The following FAT4 variants were observed in gnomAD, a reference collection of about 807,000 sequenced individuals.
The protein encoded by FAT4 is protocadherin Fat 4.
In FAT4, 84 loss-of-function variants were observed where a neutral mutation model predicts 303.9. The observed-to-expected ratio is 0.28, with a 90% CI of 0.23 to 0.33. The LOEUF (loss-of-function observed/expected upper bound fraction) is 0.33. Ranked by LOEUF, FAT4 falls within the 10% of genes least tolerant of loss-of-function variation. The probability of loss-of-function intolerance (pLI) is 1.00; values close to 1 mark genes in which losing one functional copy is unlikely to be tolerated. For synonymous variants in FAT4, 2,307 were observed against 2,298.8 expected (o/e 1.00, Z -0.10); for missense variants, 6,005 against 6,146.8 (o/e 0.98, Z 0.77).
intron 2 of FAT4, among the ~76,000 whole-genome samples, chr4:125,341,294 A>T (rs938090719): frequency 2.0e-5 from 3 of 152,186 alleles, no homozygotes; most frequent in Non-Finnish European, 2.9e-5. Flanking sequence ...TCTTTTGCTT[A>T]GCACAGAATG....
Position 125,315,066 on chromosome 4 carries a change from G to A in FAT4, c.-924G>A, listed in dbSNP as rs983942741. ...TTTCGGCGACGCGCTGTGTGTGTGT[G>A]TGTGCGTGTGTATGTGTGTGTGTGT... On this transcript the variant is annotated 5_prime_UTR_variant, in exon 1 of 18. In the 5' UTR this introduces an upstream ATG that the reference lacks. Coordinates refer to ENST00000394329, the MANE Select transcript of FAT4 (RefSeq NM_001291303.3). Among the ~76,000 whole-genome samples the A allele has an allele frequency of 3.3e-5, 5 of 152,162 alleles. No homozygotes were observed. In the South Asian group the frequency reaches 1.0e-3, roughly 32 times the overall value.
intron 7 of FAT4, among the ~76,000 whole-genome samples, chr4:125,423,170 C>T (rs1264822207): frequency 1.3e-5 from 2 of 152,134 alleles, no homozygotes; most frequent in African/African-American, 4.8e-5. Flanking sequence ...AATTCAAGCC[C>T]ACTGCAGAAA....
chr4:125,451,329 G>A lies in FAT4; in HGVS notation c.10319G>A (p.Ser3440Asn), dbSNP rs1388905236. Reference sequence around the variant, plus strand: ...GACTCAGACTCCATCCCCAGCTGGAGCAGGTTTTCTTACTTCATCGGATCA... The same window carrying A: ...GACTCAGACTCCATCCCCAGCTGGAACAGGTTTTCTTACTTCATCGGATCA... ...AFDSDSIPSW[S>N]RFSYFIGSGN... is the part of the protein sequence containing the mutation. The change falls in exon 10 of 18, where the codon AGC becomes AAC. Residue 3440 changes from serine to asparagine, a missense_variant. Ser to Asn is a conservative substitution (Grantham distance 46, BLOSUM62 1). Coordinates refer to ENST00000394329, the MANE Select transcript of FAT4 (RefSeq NM_001291303.3). 1.9e-6 allele frequency: 3 copies of A among 1,614,032 alleles called. No homozygotes were observed. The highest frequency in any genetic ancestry group is 3.3e-5 in the Admixed American group (2 of 60,002).
In FAT4 at chr4:125,319,360, A is replaced by C. The variant is rs545923943; in HGVS notation, c.2949A>C (p.Thr983=). The C allele has an allele frequency of 7.4e-6, 12 of 1,612,448 alleles. No homozygotes were observed. In the East Asian group the frequency reaches 2.0e-4, roughly 27 times the overall value. The change falls in exon 2 of 18, where the codon ACA becomes ACC. Residue 983 remains threonine, a synonymous_variant. Transcript: ENST00000394329. The part of the protein sequence containing the change: ...VPQLSSSVIL[T]VYVHDVNDNS... ...AGCTCTCCTCTAGTGTCATCTTAACAGTTTATGTCCATGATGTAAATGACA... is the reference window on the plus strand; with the variant it reads ...AGCTCTCCTCTAGTGTCATCTTAACCGTTTATGTCCATGATGTAAATGACA...
rs773174146 is a variant in FAT4 at position 125,316,885 on chromosome 4, C to T, written c.474C>T (p.Thr158=). The T allele has an allele frequency of 3.1e-6, 5 of 1,614,002 alleles. 1 individual carries two copies. Among genetic ancestry groups the T allele is most frequent in the Admixed American group, 3.3e-5 (2 of 60,022 alleles). The change falls in exon 2 of 18, where the codon ACC becomes ACT. Residue 158 remains threonine (T), a synonymous_variant. Coordinates refer to ENST00000394329, the MANE Select transcript of FAT4 (RefSeq NM_001291303.3). This position sits in a 1 kb window ranked among gnomAD's most constrained non-coding sequence, Gnocchi z 5.7. ...GCGGACGCCAAGTCATCTTAGACAC[C>T]GCCACCGACTCGGACATCGGCTCAA... ...SSSGRQVILD[T]ATDSDIGSNG...
At position 125,320,094 on chromosome 4, in the gene FAT4, A is replaced by G. The variant is rs754253863; in HGVS notation, c.3683A>G (p.Gln1228Arg). ...TCAGAATCAGCAGCCAATCTGACACAAGTGTTAAGAGTATCTGCCTCAGAT... is the reference window on the plus strand; with the variant it reads ...TCAGAATCAGCAGCCAATCTGACACGAGTGTTAAGAGTATCTGCCTCAGAT... ...TISESAANLT[Q>R]VLRVSASDVD... Residue 1228 changes from glutamine to arginine, a missense_variant, in exon 2 of 18, where the codon CAA (glutamine) becomes CGA (arginine). Gln to Arg is a conservative substitution (Grantham distance 43, BLOSUM62 1). Transcript: ENST00000394329. 7 of 1,613,858 alleles carry G rather than the reference A, an allele frequency of 4.3e-6. No individual in the cohort carries two copies. The East Asian group carries it at 1.3e-4, about 31-fold the overall frequency.
rs531595537 is a variant in FAT4, at chr4:125,318,783, C to T, written c.2372C>T (p.Pro791Leu). The T allele has an allele frequency of 6.8e-6, 11 of 1,614,166 alleles. No homozygotes were observed. In the South Asian group the frequency reaches 9.9e-5, roughly 14 times the overall value. ...GTATTGGACACTCAAGACAACCCACCTGTATTCAGTCAGGTTGCCTACAGC... is the reference window on the plus strand; with the variant it reads ...GTATTGGACACTCAAGACAACCCACTTGTATTCAGTCAGGTTGCCTACAGC... ...ITVLDTQDNP[P>L]VFSQVAYSFV... Residue 791 changes from proline to leucine, a missense_variant, in exon 2 of 18, where the codon CCT (proline) becomes CTT (leucine). Pro to Leu is a moderately conservative substitution (Grantham distance 98). Coordinates refer to ENST00000394329, the MANE Select transcript of FAT4 (RefSeq NM_001291303.3).
chr4:125,491,497 G>A lies in FAT4; in HGVS notation c.14681G>A (p.Arg4894Lys). 6.2e-7 allele frequency: 1 copy of A among 1,614,166 alleles called. No homozygotes were observed. Among genetic ancestry groups the A allele is most frequent in the Non-Finnish European group, 8.5e-7 (1 of 1,180,024 alleles). ...TATGGAGCCAGACTGAAGCCTCGAAGGTACCACGGTCGCAGGGCCGAGGGA... is the reference window on the plus strand; with the variant it reads ...TATGGAGCCAGACTGAAGCCTCGAAAGTACCACGGTCGCAGGGCCGAGGGA... ...DNYGARLKPR[R>K]YHGRRAEGGP... Residue 4894 changes from arginine (R) to lysine (K), a missense_variant, in exon 18 of 18, where the codon AGG becomes AAG. By Grantham distance (26) the Arg-to-Lys change is conservative. Coordinates refer to ENST00000394329, the MANE Select transcript of FAT4 (RefSeq NM_001291303.3).
rs550119357 is a variant in FAT4, at chr4:125,482,807, C to T, written c.12822+1069C>T. Reference sequence around the variant, plus strand: ...AGCCTCTTTCATCCTCAAAATTTTTCTCTGTGCAAGCCAACCATGATTATG... The same window carrying T: ...AGCCTCTTTCATCCTCAAAATTTTTTTCTGTGCAAGCCAACCATGATTATG... On this transcript the variant is annotated intron_variant, in intron 16 of 17. Coordinates refer to ENST00000394329, the MANE Select transcript of FAT4 (RefSeq NM_001291303.3). 1.3e-4 allele frequency among the ~76,000 whole-genome samples: 20 copies of T among 152,238 alleles called. 1 individual carries two copies. The East Asian group carries it at 3.9e-3, about 29-fold the overall frequency.
Position 125,317,922 on chromosome 4 carries a change from C to G in FAT4, c.1511C>G (p.Ser504Cys), listed in dbSNP as rs1256333773. 3.1e-6 allele frequency: 5 copies of G among 1,614,070 alleles called. No homozygotes were observed. In the African/African-American group the frequency reaches 4.0e-5, roughly 13 times the overall value. Residue 504 changes from serine (S) to cysteine (C), a missense_variant, in exon 2 of 18, where the codon TCT becomes TGT. Ser to Cys is a moderately radical substitution (Grantham distance 112, BLOSUM62 -1). Coordinates refer to ENST00000394329, the MANE Select transcript of FAT4 (RefSeq NM_001291303.3). The surrounding 1 kb of genome is among the most constrained non-coding windows in gnomAD (Gnocchi z 7.0). ...GGGATATCTGCCACTGATGGCGACT[C>G]TGGTCTCAATGCTAATCTGCGTTAC... The part of the protein sequence containing the change: ...VSGISATDGD[S>C]GLNANLRYSI...
At chr4:125,455,151 C>T (rs926629278) in intron 10 of FAT4, among the ~76,000 whole-genome samples, 1 of 152,234 alleles carries the variant, frequency 6.6e-6, no homozygotes, top group East Asian at 1.9e-4. Context: ...TTATATTCTA[C>T]ATTAGTCTAA....
intron 7 of FAT4, among the ~76,000 whole-genome samples, chr4:125,417,539 A>G (rs528627097): frequency 6.6e-6 from 1 of 152,200 alleles, no homozygotes; most frequent in Non-Finnish European, 1.5e-5. Flanking sequence ...AATAAGAAAT[A>G]TGCAGATCAG....
Position 125,450,746 on chromosome 4 carries a change from G to T in FAT4, c.9736G>T (p.Asp3246Tyr). ...QSSDSDLFVI[D>Y]PNTGVITTQG... ...ATCTGACAGTGACCTCTTTGTCATT[G>T]ACCCTAACACAGGAGTCATAACCAC... Residue 3246 changes from aspartate to tyrosine, a missense_variant, in exon 10 of 18, where the codon GAC becomes TAC. Coordinates refer to ENST00000394329, the MANE Select transcript of FAT4 (RefSeq NM_001291303.3). 6.2e-7 allele frequency: 1 copy of T among 1,614,062 alleles called. No homozygotes were observed. Among genetic ancestry groups the T allele is most frequent in the Non-Finnish European group, 8.5e-7 (1 of 1,180,014 alleles).
At position 125,449,387 on chromosome 4, in the gene FAT4, G is replaced by C; in HGVS notation, c.8377G>C (p.Val2793Leu). ...VPENSPLGYT[V>L]TRVTTSDEDI... ...TGAAAATTCCCCCTTAGGATACACA[G>C]TTACCCGTGTCACAACTTCTGATGA... The change falls in exon 10 of 18, where the codon GTT becomes CTT. Residue 2793 changes from valine (V) to leucine (L), a missense_variant. Val to Leu is a conservative substitution (Grantham distance 32). Transcript: ENST00000394329. 6.2e-7 allele frequency: 1 copy of C among 1,613,718 alleles called. No individual in the cohort carries two copies. The highest frequency in any genetic ancestry group is 8.5e-7 in the Non-Finnish European group (1 of 1,179,842).
At chr4:125,342,085 A>T (rs533649680) in intron 2 of FAT4, among the ~76,000 whole-genome samples, 1 of 152,104 alleles carries the variant, frequency 6.6e-6, no homozygotes, top group South Asian at 2.1e-4. Context: ...AATTTTCTCA[A>T]AGTAAAAAAA....
At chr4:125,357,858 A>C (rs1017967435) in intron 2 of FAT4, among the ~76,000 whole-genome samples, 4 of 152,148 alleles carry the variant, frequency 2.6e-5, no homozygotes, top group African/African-American at 9.7e-5. Context: ...TGACATTGTC[A>C]ATTCCAACAG....
intron 3 of FAT4, among the ~76,000 whole-genome samples, chr4:125,406,493 T>A (rs1215572018): frequency 1.3e-5 from 2 of 152,232 alleles, no homozygotes; most frequent in Non-Finnish European, 2.9e-5. Context: ...CTTTGTGGTT[T>A]CGTATGAATT....
At chr4:125,361,064 T>C (rs1419547024) in intron 2 of FAT4, among the ~76,000 whole-genome samples, 1 of 151,090 alleles carries the variant, frequency 6.6e-6, no homozygotes, top group African/African-American at 2.4e-5. Flanking sequence ...TACATTTTAT[T>C]AAATTTAGTG....
chr4:125,431,904 A>G (rs1474523803), intron 7 of FAT4, among the ~76,000 whole-genome samples: 1 of 152,104 alleles, frequency 6.6e-6, no homozygotes, highest in Non-Finnish European at 1.5e-5. Flanking sequence ...TATTCAGAGC[A>G]TTAACTTCCA....
Sources: gnomAD v4.1 joint callset for allele counts (sites outside exome capture counted in the v4.1 genomes callset) on GRCh38, gnomAD v4.1.1 for gene constraint, Gnocchi (gnomAD v3.1) non-coding constraint, MANE v1.5 for transcripts, NCBI Gene and HGNC (gene_info 2026-07-23, HGNC 2026-07-21) for gene names.